The following MBP variants were observed in gnomAD, a reference collection of about 807,000 sequenced individuals.
The protein encoded by MBP is myelin basic protein.
A neutral mutation model predicts 35.8 loss-of-function variants in MBP; 16 were observed. That is an observed-to-expected ratio of 0.45 (90% confidence interval 0.30 to 0.68). The LOEUF (loss-of-function observed/expected upper bound fraction) is 0.68. MBP is among the 30% of genes least tolerant of loss of function. The pLI is 0.08. For synonymous variants in MBP, 143 were observed against 159.6 expected, an observed-to-expected ratio of 0.90 and a Z score of 0.78; for missense variants, 380 against 404.7, an observed-to-expected ratio of 0.94 and a Z score of 0.52.
At chr18:77,122,701 C>T (rs559292495) in intron 1 of MBP, among the ~76,000 whole-genome samples, 1 of 152,278 alleles carries the variant, frequency 6.6e-6, no homozygotes, top group South Asian at 2.1e-4. Flanking sequence ...CACCACCACG[C>T]CTGGCTAATT....
chr18:77,050,185 CT>C (rs1241559367), intron 3 of MBP, among the ~76,000 whole-genome samples: 8 of 152,172 alleles, frequency 5.3e-5, no homozygotes, highest in African/African-American at 1.7e-4. Context: ...AATCACATGT[CT>C]AAAAATCATT....
chr18:77,031,685 T>C (rs1428044761), intron 3 of MBP, among the ~76,000 whole-genome samples: 1 of 152,246 alleles, frequency 6.6e-6, no homozygotes, highest in Non-Finnish European at 1.5e-5. Flanking sequence ...GAAGAAACAA[T>C]GCACCAGGGC....
chr18:77,110,050 G>T (rs1976399022), intron 1 of MBP: 1 of 152,150 alleles, frequency 6.6e-6, no homozygotes, highest in African/African-American at 2.4e-5. Context: ...ATAAACCTAA[G>T]TTAGATAATT....
At chr18:77,089,024 C>G (rs915648429) in intron 2 of MBP, among the ~76,000 whole-genome samples, 1 of 152,258 alleles carries the variant, frequency 6.6e-6, no homozygotes, top group Non-Finnish European at 1.5e-5. Flanking sequence ...TGGTGCTCAC[C>G]TTGCATCACA....
intron 1 of MBP, among the ~76,000 whole-genome samples, chr18:77,118,618 ACACACACACACACACACACACTACACAC>A (rs1242628119): frequency 3.9e-5 from 5 of 129,664 alleles, no homozygotes; most frequent in Admixed American, 1.9e-4. Context: ...GACACCACAC[ACACACACACACACACACACACTACACAC>A]CACACACACA....
chr18:77,100,963 G>C (rs566769965), intron 2 of MBP, among the ~76,000 whole-genome samples: 2 of 152,294 alleles, frequency 1.3e-5, no homozygotes, highest in South Asian at 4.1e-4. Context: ...TTCAGAGAAA[G>C]CTGAGGGACA....
intron 2 of MBP, among the ~76,000 whole-genome samples, chr18:77,066,740 G>A (rs1005092672): frequency 3.3e-5 from 5 of 152,256 alleles, no homozygotes; most frequent in African/African-American, 1.2e-4. Context: ...ACACTGTGCG[G>A]CAGAACTGAC....
rs536839874 is a variant in MBP, at chr18:77,020,286, T to A, written c.140-3018A>T. ...GGGAGAGTGGCTGCAGGTGGCCTGG[T>A]TGGGGAAGGTGTAGACAGGGAACCA... On this transcript the variant is annotated intron_variant, in intron 3 of 8. Transcript: ENST00000355994. The surrounding 1 kb of genome is among the most constrained non-coding windows in gnomAD (Gnocchi z 4.1). 6.6e-6 allele frequency among the ~76,000 whole-genome samples: 1 copy of A among 151,938 alleles called. No homozygotes were observed. The highest frequency in any genetic ancestry group is 2.4e-5 in the African/African-American group (1 of 41,444).
intron 1 of MBP, among the ~76,000 whole-genome samples, chr18:77,130,949 A>G (rs1313685812): frequency 2.0e-5 from 3 of 151,696 alleles, no homozygotes; most frequent in African/African-American, 7.3e-5. Context: ...CAGAACAGTT[A>G]ACTCCCTGGG....
intron 1 of MBP, among the ~76,000 whole-genome samples, chr18:77,117,233 ACT>A (rs1048859364): frequency 3.9e-5 from 6 of 151,964 alleles, no homozygotes; most frequent in African/African-American, 7.3e-5. Context: ...ATCTTTTAAA[ACT>A]CTGTTATTAA....
chr18:77,053,290 A>C (rs576379825), intron 3 of MBP, among the ~76,000 whole-genome samples: 1 of 152,352 alleles, frequency 6.6e-6, no homozygotes, highest in Non-Finnish European at 1.5e-5. Flanking sequence ...GCCCCACTGC[A>C]GGTCCAGCCA....
intron 4 of MBP, chr18:77,015,326 T>C (rs1971564673): frequency 2.0e-6 from 2 of 985,454 alleles, no homozygotes; most frequent in Non-Finnish European, 2.4e-6. Flanking sequence ...CTGGTGATGC[T>C]GTATGCGTGA....
chr18:77,048,621 G>A (rs796182118), intron 3 of MBP, among the ~76,000 whole-genome samples: 7 of 152,084 alleles, frequency 4.6e-5, no homozygotes, highest in African/African-American at 1.7e-4. Flanking sequence ...CCGCCACCAC[G>A]GCCGGCTAAT....
At chr18:77,029,437 A>AGGGAGGGGGAGG (rs1382354612) in intron 3 of MBP, among the ~76,000 whole-genome samples, 93 of 23,058 alleles carry the variant, frequency 4.0e-3, no homozygotes, top group Admixed American at 5.4e-3. Flanking sequence ...GGAGAGGGAG[A>AGGGAGGGGGAGG]GGGAGGGGGA....
At chr18:77,023,366 C>T (rs925755681) in intron 3 of MBP, among the ~76,000 whole-genome samples, 1 of 152,192 alleles carries the variant, frequency 6.6e-6, no homozygotes, top group African/African-American at 2.4e-5. Context: ...TGGCTCATCC[C>T]CAGCACACAA....
chr18:77,075,440 C>T (rs1052768360), intron 2 of MBP, among the ~76,000 whole-genome samples: 3 of 152,206 alleles, frequency 2.0e-5, no homozygotes, highest in Non-Finnish European at 2.9e-5. Flanking sequence ...ACGCCTGACA[C>T]GTCCAGACGG....
At position 77,131,121 on chromosome 18, in the gene MBP, C is replaced by CACACACA. The variant is rs1568354963; in HGVS notation, c.-26+1458_-26+1459insTGTGTGT. Among the ~76,000 whole-genome samples the CACACACA allele has an allele frequency of 2.7e-4, 18 of 65,516 alleles. No homozygotes were observed. Among genetic ancestry groups the CACACACA allele is most frequent in the African/African-American group, 5.2e-4 (11 of 21,286 alleles). 43.0% of individuals were successfully genotyped at this position (65,516 alleles called of 152,430 possible). Reference sequence around the variant, plus strand: ...CACACACACACACACACACACACACCCCCTCTGCCGCGGTACCCTTCCCCT... The same window carrying CACACACA: ...CACACACACACACACACACACACACCACACACACCCTCTGCCGCGGTACCCTTCCCCT... On this transcript the variant is annotated intron_variant, in intron 1 of 8. Coordinates refer to ENST00000355994, the MANE Select transcript of MBP (RefSeq NM_001025101.2). This position sits in a 1 kb window ranked among gnomAD's most constrained non-coding sequence, Gnocchi z 5.5.
chr18:77,046,384 A>G (rs934920618), intron 3 of MBP, among the ~76,000 whole-genome samples: 1 of 152,260 alleles, frequency 6.6e-6, no homozygotes, highest in African/African-American at 2.4e-5. Context: ...TACCTGATAC[A>G]CAAACAACTT....
rs1194741706 is a variant in MBP at position 76,989,914 on chromosome 18, C to T, written c.681+42G>A. The T allele has an allele frequency of 6.6e-7, 1 of 1,526,186 alleles. No homozygotes were observed. The highest frequency in any genetic ancestry group is 1.4e-5 in the African/African-American group (1 of 72,920). The allele number at this position is 1,526,186 out of a possible 1,614,324, so 94.5% of individuals were successfully genotyped here. ...GACAGCAGTGGCCAGCACCCCTCCTCCCCCTCACAGTTGCTACCTCTTCCC... is the reference window on the plus strand; with the variant it reads ...GACAGCAGTGGCCAGCACCCCTCCTTCCCCTCACAGTTGCTACCTCTTCCC... On this transcript the variant is annotated intron_variant, in intron 5 of 8. Coordinates refer to ENST00000355994, the MANE Select transcript of MBP (RefSeq NM_001025101.2). The surrounding 1 kb of genome is among the most constrained non-coding windows in gnomAD (Gnocchi z 4.0).
Sources: allele counts gnomAD v4.1 joint callset (sites outside exome capture counted in the v4.1 genomes callset), GRCh38; gene constraint gnomAD v4.1.1; non-coding constraint Gnocchi (gnomAD v3.1); transcripts MANE v1.5; gene names NCBI Gene and HGNC (gene_info 2026-07-23, HGNC 2026-07-21).